The following PCDHA2 variants were observed in gnomAD, a reference collection of about 807,000 sequenced individuals.
PCDHA2 encodes the protein protocadherin alpha 2, also known as protocadherin alpha-2.
Under a neutral mutation model 66.0 loss-of-function variants are expected in PCDHA2, and 58 were observed. The ratio of observed to expected loss-of-function variants is 0.88; its 90% CI spans 0.71 to 1.09. PCDHA2 has a LOEUF of 1.09. Ranked by LOEUF, PCDHA2 falls within the 50% of genes least tolerant of loss-of-function variation. The probability of loss-of-function intolerance (pLI) is 0.00; values close to 1 mark genes in which losing one functional copy is unlikely to be tolerated. For synonymous variants in PCDHA2, 634 were observed against 554.0 expected, an observed-to-expected ratio of 1.14 and a Z score of -2.03; for missense variants, 1,267 against 1,242.3, an observed-to-expected ratio of 1.02 and a Z score of -0.30.
intron 1 of PCDHA2, among the ~76,000 whole-genome samples, chr5:140,950,672 C>A (rs76583571): frequency 0.016 from 2,473 of 152,120 alleles, 63 homozygotes; most frequent in African/African-American, 0.055. Context: ...CAAACATGTA[C>A]ATGTATATTG....
intron 3 of PCDHA2, among the ~76,000 whole-genome samples, chr5:140,988,127 C>T (rs1285717954): frequency 2.0e-5 from 3 of 152,120 alleles, no homozygotes; most frequent in African/African-American, 7.2e-5. Flanking sequence ...GCATGCTGTT[C>T]CACTAACCTG....
At chr5:140,984,464 C>T (rs890686701) in intron 3 of PCDHA2, among the ~76,000 whole-genome samples, 1 of 152,184 alleles carries the variant, frequency 6.6e-6, no homozygotes, top group Non-Finnish European at 1.5e-5. Context: ...GTCCCAGCCC[C>T]TCTTGTATAA....
At position 140,799,542 on chromosome 5, in the gene PCDHA2, C is replaced by A. The variant is rs189125604; in HGVS notation, c.2388+2190C>A. Among the ~76,000 whole-genome samples, 122 of 152,002 alleles carry A rather than the reference C, an allele frequency of 8.0e-4. No homozygotes were observed. In the Middle Eastern group the frequency reaches 0.021, roughly 26 times the overall value. On this transcript the variant is annotated intron_variant, in intron 1 of 3. Transcript: ENST00000526136. ...TTACTTACTTCTTCATAATATAGCA[C>A]AATATAATCATTTAGAAATTATGTA...
chr5:140,941,673 A>T (rs1217189957), intron 1 of PCDHA2, among the ~76,000 whole-genome samples: 1 of 152,024 alleles, frequency 6.6e-6, no homozygotes, highest in Non-Finnish European at 1.5e-5. Context: ...TGTCAAGTTC[A>T]ATATTCTGTT....
chr5:140,978,701 G>A (rs1240672824), intron 1 of PCDHA2, among the ~76,000 whole-genome samples: 1 of 152,236 alleles, frequency 6.6e-6, no homozygotes, highest in African/African-American at 2.4e-5. Context: ...AAAGCCAAAG[G>A]TGGCCTTTAC....
rs782653959 is a variant in PCDHA2, at chr5:140,796,653, G to T, written c.1689G>T (p.Pro563=). Reference sequence around the variant, plus strand: ...TGCTGGACGAGAACGACAACGCGCCGGCACTGTTGGCGCCTAGGGCTGGCA... The same window carrying T: ...TGCTGGACGAGAACGACAACGCGCCTGCACTGTTGGCGCCTAGGGCTGGCA... The part of the protein sequence containing the change: ...VFVLDENDNA[P]ALLAPRAGTA... Residue 563 remains proline, a synonymous_variant, in exon 1 of 4, where the codon CCG becomes CCT. Transcript: ENST00000526136. 4 of 1,613,844 alleles carry T rather than the reference G, an allele frequency of 2.5e-6. No homozygotes were observed. The highest frequency in any genetic ancestry group is 3.4e-6 in the Non-Finnish European group (4 of 1,179,860).
chr5:140,948,108 G>A (rs902891466), intron 1 of PCDHA2, among the ~76,000 whole-genome samples: 2 of 151,096 alleles, frequency 1.3e-5, no homozygotes, highest in Non-Finnish European at 3.0e-5. Context: ...ATTTTTCTTC[G>A]TTTTACTAAT....
intron 1 of PCDHA2, among the ~76,000 whole-genome samples, chr5:140,963,902 A>G (rs1227304928): frequency 6.6e-6 from 1 of 152,218 alleles, no homozygotes; most frequent in Non-Finnish European, 1.5e-5. Flanking sequence ...AAATGAGTAA[A>G]GTGAAGCTTA....
At chr5:140,927,721 C>G in intron 1 of PCDHA2, 1 of 1,614,204 alleles carries the variant, frequency 6.2e-7, no homozygotes, top group Non-Finnish European at 8.5e-7. Flanking sequence ...CAACAGCACG[C>G]AAGCAGAGCT....
At chr5:140,823,791 C>T (rs2150129177) in intron 1 of PCDHA2, 96 of 1,613,688 alleles carry the variant, frequency 5.9e-5, no homozygotes, top group Non-Finnish European at 7.9e-5. Flanking sequence ...TGGAAAGTGG[C>T]CAGGCGCCGA....
At chr5:140,954,396 C>T (rs894225724) in intron 1 of PCDHA2, among the ~76,000 whole-genome samples, 3 of 152,176 alleles carry the variant, frequency 2.0e-5, no homozygotes, top group Admixed American at 1.3e-4. Context: ...TTTACAACCC[C>T]ACCAACAGGG....
chr5:140,849,895 A>G (rs2150456565), intron 1 of PCDHA2: 1 of 1,598,460 alleles, frequency 6.3e-7, no homozygotes, highest in South Asian at 1.1e-5. Flanking sequence ...GTGAAGGAGA[A>G]CAACCCGCCG....
Position 140,869,973 on chromosome 5 carries a change from C to T in PCDHA2, c.2388+72621C>T, listed in dbSNP as rs782664221. The stretch of plus-strand genomic sequence containing the variant: ...TGTCAATTAAGCCCAATGGAAGACA[C>T]TTATTTACACTAGATCAAAATAATG... On this transcript the variant is annotated intron_variant, in intron 1 of 3. Coordinates refer to ENST00000526136, the MANE Select transcript of PCDHA2 (RefSeq NM_018905.3). 3.0e-5 allele frequency: 48 copies of T among 1,613,102 alleles called. No individual in the cohort carries two copies. In the East Asian group the frequency reaches 1.0e-3, roughly 34 times the overall value.
At chr5:140,861,734 A>G in intron 1 of PCDHA2, 1 of 190,940 alleles carries the variant, frequency 5.2e-6, no homozygotes, top group Non-Finnish European at 1.1e-5. Flanking sequence ...GATGACTTAC[A>G]TACTGTGCCG....
intron 3 of PCDHA2, among the ~76,000 whole-genome samples, chr5:140,983,526 A>C (rs1421450953): frequency 6.6e-6 from 1 of 152,230 alleles, no homozygotes; most frequent in African/African-American, 2.4e-5. Context: ...TGCCAAGTAC[A>C]TTGTATGTGT....
At chr5:140,972,708 G>C (rs1309799075) in intron 1 of PCDHA2, among the ~76,000 whole-genome samples, 1 of 146,140 alleles carries the variant, frequency 6.8e-6, no homozygotes, top group East Asian at 2.0e-4. Context: ...TCTGTTGCCA[G>C]GCTGGAGTGC....
chr5:140,808,688 G>C, intron 1 of PCDHA2: 1 of 1,612,394 alleles, frequency 6.2e-7, no homozygotes, highest in Non-Finnish European at 8.5e-7. Context: ...GCGGGTAGGG[G>C]AGCGCGCGCT....
intron 1 of PCDHA2, chr5:140,859,530 T>G (rs535138857): frequency 5.6e-4 from 108 of 191,500 alleles, no homozygotes; most frequent in Non-Finnish European, 9.8e-4. Context: ...TAAAAAAAAT[T>G]TATTAATTCT....
chr5:140,828,428 C>T (rs2150155297), intron 1 of PCDHA2: 2 of 1,614,252 alleles, frequency 1.2e-6, no homozygotes, highest in Admixed American at 1.7e-5. Context: ...CGTGGACAGG[C>T]CGCTGCAGGT....
Sources: allele counts gnomAD v4.1 joint callset (sites outside exome capture counted in the v4.1 genomes callset), GRCh38; gene constraint gnomAD v4.1.1; transcripts MANE v1.5; gene names NCBI Gene and HGNC (gene_info 2026-07-23, HGNC 2026-07-21).